Variants in TAF4 observed in about 807,000 individuals in gnomAD.
TAF4 encodes the protein transcription initiation factor TFIID subunit 4.
A neutral mutation model predicts 90.3 loss-of-function variants in TAF4; 9 were observed. That is an observed-to-expected ratio of 0.10 (90% CI 0.06 to 0.17). The LOEUF is 0.17. TAF4 is among the 10% of genes least tolerant of loss of function. The pLI, the probability that TAF4 is intolerant of heterozygous loss-of-function variation, is 1.00. For synonymous variants in TAF4, 818 were observed against 638.9 expected (o/e 1.28, Z -4.23); for missense variants, 1,351 against 1,370.7 (o/e 0.99, Z 0.23).
chr20:62,044,361 T>C (rs2055981175), intron 1 of TAF4, among the ~76,000 whole-genome samples: 1 of 152,226 alleles, frequency 6.6e-6, no homozygotes, highest in Non-Finnish European at 1.5e-5. Context: ...TATGTGTGTA[T>C]GCATGCGAGT....
At chr20:62,001,934 G>A (rs1433826579) in intron 9 of TAF4, among the ~76,000 whole-genome samples, 1 of 152,124 alleles carries the variant, frequency 6.6e-6, no homozygotes, top group Non-Finnish European at 1.5e-5. Flanking sequence ...GTGTTACTGG[G>A]GCGTTACTGT....
chr20:61,987,017 G>A (rs1432192067), intron 14 of TAF4, among the ~76,000 whole-genome samples: 6 of 152,154 alleles, frequency 3.9e-5, no homozygotes, highest in Non-Finnish European at 7.4e-5. Context: ...ATTACACAGA[G>A]AAAAAGAGTA....
intron 1 of TAF4, among the ~76,000 whole-genome samples, chr20:62,043,849 G>A (rs2055977840): frequency 6.6e-6 from 1 of 152,198 alleles, no homozygotes; most frequent in Admixed American, 6.5e-5. Flanking sequence ...TGCGTTTCTA[G>A]AATGTATCCC....
At chr20:61,981,116 G>A (rs1239733744) in intron 14 of TAF4, 3 of 152,232 alleles carry the variant, frequency 2.0e-5, no homozygotes, top group African/African-American at 4.8e-5. Context: ...GACAACTTCC[G>A]TCCTGCACAC....
chr20:62,026,776 G>A (rs539484117), intron 1 of TAF4, among the ~76,000 whole-genome samples: 14 of 152,308 alleles, frequency 9.2e-5, no homozygotes, highest in Admixed American at 5.2e-4. Flanking sequence ...CTGCCGCCCC[G>A]TGAGTGGAGA....
At chr20:62,029,195 C>CAAAA (rs917455667) in intron 1 of TAF4, among the ~76,000 whole-genome samples, 2 of 62,766 alleles carry the variant, frequency 3.2e-5, no homozygotes, top group Non-Finnish European at 6.9e-5. Flanking sequence ...GACTCTGTCT[C>CAAAA]AAAAAAAAAA....
At chr20:62,044,992 A>G (rs1012255559) in intron 1 of TAF4, among the ~76,000 whole-genome samples, 2 of 152,258 alleles carry the variant, frequency 1.3e-5, no homozygotes, top group African/African-American at 4.8e-5. Context: ...CAAGCCACTC[A>G]GCCCAGGGGG....
intron 1 of TAF4, among the ~76,000 whole-genome samples, chr20:62,055,384 ACAAT>A (rs1229325800): frequency 6.6e-6 from 1 of 152,204 alleles, no homozygotes; most frequent in Non-Finnish European, 1.5e-5. Flanking sequence ...GTCCTGCAAG[ACAAT>A]CAATTCACAC....
At chr20:62,050,646 A>C (rs2056021648) in intron 1 of TAF4, among the ~76,000 whole-genome samples, 1 of 152,198 alleles carries the variant, frequency 6.6e-6, no homozygotes, top group Non-Finnish European at 1.5e-5. Context: ...GCTCCATGAG[A>C]GCCACAGGGC....
intron 1 of TAF4, among the ~76,000 whole-genome samples, chr20:62,063,617 T>C (rs575690680): frequency 7.9e-4 from 120 of 151,824 alleles, no homozygotes; most frequent in African/African-American, 2.7e-3. Flanking sequence ...ATAGCCAGTA[T>C]CGCCCCGAGA....
intron 9 of TAF4, among the ~76,000 whole-genome samples, chr20:62,001,225 G>C (rs573009997): frequency 6.6e-6 from 1 of 152,272 alleles, no homozygotes; most frequent in East Asian, 1.9e-4. Flanking sequence ...GGATGCCATT[G>C]AGACCGGGCC....
chr20:62,006,566 T>G lies in TAF4; in HGVS notation c.2167A>C (p.Ser723Arg). The part of the protein sequence containing the change: ...VTSALQPPVL[S>R]LTQPTQVGVG... ...CCGACCTGCGTGGGCTGCGTGAGGC[T>G]GAGCACAGGGGGCTGGAGGGCACTG... The change falls in exon 7 of 15, where the codon AGC becomes CGC. Residue 723 changes from serine to arginine, a missense_variant. This residue lies in a region of TAF4 where 202 missense variants were observed against 229.7 expected (regional missense o/e 0.88). Transcript: ENST00000252996. This position sits in a 1 kb window ranked among gnomAD's most constrained non-coding sequence, Gnocchi z 7.0. The G allele has an allele frequency of 1.3e-6, 2 of 1,588,468 alleles. No homozygotes were observed. Among genetic ancestry groups the G allele is most frequent in the Non-Finnish European group, 1.7e-6 (2 of 1,170,092 alleles).
intron 1 of TAF4, among the ~76,000 whole-genome samples, chr20:62,048,616 T>C (rs2056007528): frequency 6.6e-6 from 1 of 151,922 alleles, no homozygotes; most frequent in South Asian, 2.1e-4. Context: ...GTCACCAGGC[T>C]CCATCCCCAC....
Position 62,024,757 on chromosome 20 carries a change from C to T in TAF4, c.1361-10050G>A, listed in dbSNP as rs1269988103. Among the ~76,000 whole-genome samples the T allele has an allele frequency of 3.3e-5, 5 of 152,178 alleles. No homozygotes were observed. In the East Asian group the frequency reaches 9.7e-4, roughly 29 times the overall value. On this transcript the variant is annotated intron_variant, in intron 1 of 14. Coordinates refer to ENST00000252996, the MANE Select transcript of TAF4 (RefSeq NM_003185.4). ...TGGTGGTGCACACCTCTAGTCCTAG[C>T]TACTTGGGAGGCTGAGGCACGAAAA...
chr20:62,055,140 TGC>T (rs1341933301), intron 1 of TAF4, among the ~76,000 whole-genome samples: 4 of 151,278 alleles, frequency 2.6e-5, no homozygotes, highest in African/African-American at 9.7e-5. Flanking sequence ...CAATTCACAC[TGC>T]CTGCGGGCAG....
At chr20:62,033,752 A>G (rs2055917046) in intron 1 of TAF4, among the ~76,000 whole-genome samples, 1 of 151,398 alleles carries the variant, frequency 6.6e-6, no homozygotes, top group Non-Finnish European at 1.5e-5. Context: ...AAAAAAAAAA[A>G]AGAAAAAGGG....
At chr20:62,033,890 A>T (rs2055917954) in intron 1 of TAF4, among the ~76,000 whole-genome samples, 1 of 151,874 alleles carries the variant, frequency 6.6e-6, no homozygotes, top group Non-Finnish European at 1.5e-5. Flanking sequence ...AAAATACAAA[A>T]AATTAGCTGG....
intron 14 of TAF4, among the ~76,000 whole-genome samples, chr20:61,990,587 G>C (rs1259552102): frequency 6.6e-6 from 1 of 152,192 alleles, no homozygotes; most frequent in African/African-American, 2.4e-5. Flanking sequence ...AAGAGCAGCA[G>C]GTCCCTCCAA....
At chr20:62,033,002 T>C (rs1304038529) in intron 1 of TAF4, among the ~76,000 whole-genome samples, 1 of 148,296 alleles carries the variant, frequency 6.7e-6, no homozygotes. Context: ...AGCTGGGAAA[T>C]GATGGATGCG....
Sources: gnomAD v4.1 joint callset for allele counts (sites outside exome capture counted in the v4.1 genomes callset) on GRCh38, gnomAD v4.1.1 for gene constraint, gnomAD v4.1.1 regional missense constraint, Gnocchi (gnomAD v3.1) non-coding constraint, MANE v1.5 for transcripts, NCBI Gene and HGNC (gene_info 2026-07-23, HGNC 2026-07-21) for gene names.